GABRB1: variants seen among roughly 807,000 people sequenced by gnomAD.
The protein encoded by GABRB1 is gamma-aminobutyric acid receptor subunit beta-1.
Under a neutral mutation model 51.6 loss-of-function variants are expected in GABRB1, and 17 were observed. The ratio of observed to expected loss-of-function variants is 0.33; its 90% CI spans 0.23 to 0.49. The LOEUF is 0.49. Among genes scored for constraint, GABRB1 ranks in the 20% least tolerant of loss-of-function variants. The probability of loss-of-function intolerance (pLI) is 0.99; values close to 1 mark genes in which losing one functional copy is unlikely to be tolerated. For synonymous variants in GABRB1, 247 were observed against 218.9 expected, an observed-to-expected ratio of 1.13 and a Z score of -1.14; for missense variants, 410 against 600.6, an observed-to-expected ratio of 0.68 and a Z score of 3.32.
At chr4:47,322,084 A>G (rs1725105012) in intron 5 of GABRB1, among the ~76,000 whole-genome samples, 1 of 152,206 alleles carries the variant, frequency 6.6e-6, no homozygotes, top group Non-Finnish European at 1.5e-5. Context: ...ATAATGATCA[A>G]AACTATAAAT....
intron 4 of GABRB1, among the ~76,000 whole-genome samples, chr4:47,275,071 TAAGCCAATG>T (rs1440722643): frequency 1.3e-5 from 2 of 152,150 alleles, no homozygotes; most frequent in Non-Finnish European, 2.9e-5. Flanking sequence ...AACTTCCAAT[TAAGCCAATG>T]GGTAGTTCCC....
Position 47,061,883 on chromosome 4 carries a change from G to T in GABRB1, c.240+29399G>T, listed in dbSNP as rs141486678. Among the ~76,000 whole-genome samples, 1,283 of 152,176 alleles carry T rather than the reference G, an allele frequency of 8.4e-3. 14 individuals are homozygous for T. Among genetic ancestry groups the T allele is most frequent in the African/African-American group, 0.028 (1,176 of 41,516 alleles). On this transcript the variant is annotated intron_variant, in intron 3 of 8. Transcript: ENST00000295454. ...CAGGTGAATTTTTTATATGAGACTT[G>T]TTTCAGTTTAGCGCCTCTTAAATGG... is the stretch of plus-strand genomic sequence containing the variant.
At chr4:47,273,629 G>A (rs1326471069) in intron 4 of GABRB1, among the ~76,000 whole-genome samples, 1 of 151,978 alleles carries the variant, frequency 6.6e-6, no homozygotes, top group Admixed American at 6.6e-5. Context: ...GCTGTACTAG[G>A]CTGTGGGATT....
chr4:47,147,623 C>A (rs1320872498), intron 3 of GABRB1, among the ~76,000 whole-genome samples: 4 of 152,050 alleles, frequency 2.6e-5, no homozygotes, highest in Non-Finnish European at 5.9e-5. Flanking sequence ...TGTGGGAGCA[C>A]GTCGGAAGGG....
intron 4 of GABRB1, among the ~76,000 whole-genome samples, chr4:47,319,234 T>C (rs1247601068): frequency 6.6e-6 from 1 of 152,116 alleles, no homozygotes. Flanking sequence ...ATATGTACTG[T>C]ACTACAGTAT....
At chr4:47,229,746 T>C (rs1010741063) in intron 4 of GABRB1, among the ~76,000 whole-genome samples, 9 of 152,154 alleles carry the variant, frequency 5.9e-5, no homozygotes, top group Non-Finnish European at 1.3e-4. Context: ...ACAGAGAAGA[T>C]GGCAATATAA....
chr4:47,124,298 G>C (rs981416789), intron 3 of GABRB1, among the ~76,000 whole-genome samples: 1 of 152,076 alleles, frequency 6.6e-6, no homozygotes, highest in African/African-American at 2.4e-5. Flanking sequence ...CAACAACTGC[G>C]TGACCTGATT....
At chr4:47,292,933 T>TTA (rs1056345429) in intron 4 of GABRB1, among the ~76,000 whole-genome samples, 16 of 152,338 alleles carry the variant, frequency 1.1e-4, no homozygotes, top group African/African-American at 3.6e-4. Flanking sequence ...AAGTCACCTC[T>TTA]TAATAGTCCA....
intron 1 of GABRB1, among the ~76,000 whole-genome samples, chr4:46,997,702 G>A (rs1724045557): frequency 6.6e-6 from 1 of 151,834 alleles, no homozygotes; most frequent in African/African-American, 2.4e-5. Context: ...TTACAAAGCT[G>A]TACATATAGA....
intron 3 of GABRB1, among the ~76,000 whole-genome samples, chr4:47,100,041 AT>A (rs1274387198): frequency 3.3e-5 from 5 of 152,002 alleles, no homozygotes; most frequent in African/African-American, 4.8e-5. Flanking sequence ...TATTTACTTA[AT>A]TTTTTATATT....
chr4:47,077,260 T>C (rs985190376), intron 3 of GABRB1, among the ~76,000 whole-genome samples: 1 of 152,082 alleles, frequency 6.6e-6, no homozygotes, highest in Admixed American at 6.6e-5. Flanking sequence ...AAAAGGTGAG[T>C]ATTTACACAC....
At chr4:47,196,495 T>C (rs1021697719) in intron 4 of GABRB1, among the ~76,000 whole-genome samples, 3 of 152,134 alleles carry the variant, frequency 2.0e-5, no homozygotes, top group Non-Finnish European at 4.4e-5. Context: ...ACATGGAGCA[T>C]ATGCAAGCAA....
intron 5 of GABRB1, among the ~76,000 whole-genome samples, chr4:47,400,526 G>GTCTCTCTCTCTCTCTC (rs56896606): frequency 0.013 from 1,482 of 117,888 alleles, 13 homozygotes; most frequent in Middle Eastern, 0.016. Flanking sequence ...CCAGGAGGTA[G>GTCTCTCTCTCTCTCTC]TCTCTCTCTC....
intron 3 of GABRB1, among the ~76,000 whole-genome samples, chr4:47,041,901 C>A (rs1725860683): frequency 6.6e-6 from 1 of 151,916 alleles, no homozygotes; most frequent in Admixed American, 6.6e-5. Context: ...TACTTCAAAT[C>A]GTATTTTTTC....
chr4:47,196,517 G>A (rs186477960), intron 4 of GABRB1, among the ~76,000 whole-genome samples: 1 of 152,298 alleles, frequency 6.6e-6, no homozygotes, highest in East Asian at 1.9e-4. Context: ...GGAGCAGATG[G>A]CCAAGAAAAG....
At chr4:47,139,276 T>G (rs1716811348) in intron 3 of GABRB1, among the ~76,000 whole-genome samples, 1 of 151,996 alleles carries the variant, frequency 6.6e-6, no homozygotes, top group African/African-American at 2.4e-5. Flanking sequence ...TGCTCAGACC[T>G]CAGCAAAGCA....
intron 3 of GABRB1, among the ~76,000 whole-genome samples, chr4:47,118,463 A>G (rs1259419200): frequency 6.6e-6 from 1 of 152,128 alleles, no homozygotes; most frequent in Non-Finnish European, 1.5e-5. Context: ...ATCACTTTAC[A>G]GTTTTAAAAA....
chr4:47,360,979 A>C (rs1187863150), intron 5 of GABRB1, among the ~76,000 whole-genome samples: 3 of 152,126 alleles, frequency 2.0e-5, no homozygotes, highest in Non-Finnish European at 2.9e-5. Context: ...TACTATTAAT[A>C]TTTCCATTAC....
At chr4:47,104,159 A>G (rs1714846504) in intron 3 of GABRB1, among the ~76,000 whole-genome samples, 1 of 151,752 alleles carries the variant, frequency 6.6e-6, no homozygotes, top group African/African-American at 2.4e-5. Flanking sequence ...ATATATTTTC[A>G]CTGAATATAG....
Sources: gnomAD v4.1 joint callset for allele counts (sites outside exome capture counted in the v4.1 genomes callset) on GRCh38, gnomAD v4.1.1 for gene constraint, MANE v1.5 for transcripts, NCBI Gene and HGNC (gene_info 2026-07-23, HGNC 2026-07-21) for gene names.